OPRM1: variants seen among roughly 807,000 people sequenced by gnomAD.
The protein encoded by OPRM1 is opioid receptor mu 1, also known as mu-type opioid receptor.
In OPRM1, 27 loss-of-function variants were observed where a neutral mutation model predicts 31.8. The observed-to-expected ratio is 0.85, with a 90% CI of 0.63 to 1.17. The LOEUF is 1.17. Among genes scored for constraint, OPRM1 ranks in the 50% most tolerant of loss-of-function variants. The pLI, the probability that OPRM1 is intolerant of heterozygous loss-of-function variation, is 0.00. For missense variants in OPRM1, 536 were observed against 511.1 expected (o/e 1.05, Z -0.47); for synonymous variants, 196 against 189.9 (o/e 1.03, Z -0.26).
At chr6:154,040,869 G>A (rs1246629713) in intron 1 of OPRM1, among the ~76,000 whole-genome samples, 1 of 152,158 alleles carries the variant, frequency 6.6e-6, no homozygotes, top group Non-Finnish European at 1.5e-5. Context: ...TGGTGTTGAT[G>A]TGTATATTCA....
chr6:154,105,399 T>C (rs530073680), intron 3 of OPRM1, among the ~76,000 whole-genome samples: 16 of 152,228 alleles, frequency 1.1e-4, no homozygotes, highest in Non-Finnish European at 2.1e-4. Context: ...TTAACTCCTG[T>C]TTTGCTTGAC....
chr6:154,142,382 G>T (rs1798240966), intron 3 of OPRM1, among the ~76,000 whole-genome samples: 1 of 85,072 alleles, frequency 1.2e-5, no homozygotes. Flanking sequence ...CACATTAAGA[G>T]GCAAAATGGG....
intron 1 of OPRM1, among the ~76,000 whole-genome samples, chr6:154,088,021 G>C (rs939124963): frequency 6.6e-6 from 1 of 151,760 alleles, no homozygotes; most frequent in Non-Finnish European, 1.5e-5. Context: ...ATGAATGTTC[G>C]TAACAGTTCA....
chr6:154,182,684 G>A lies in OPRM1; in HGVS notation c.1165-64009G>A, dbSNP rs78350818. 5.7e-3 allele frequency among the ~76,000 whole-genome samples: 872 copies of A among 152,238 alleles called. 11 individuals are homozygous for A. The highest frequency in any genetic ancestry group is 0.02 in the African/African-American group (847 of 41,570). ...GGTATCAGTTGAATGAGAACAAAATGGTAGCAGTGGGTGGGAAGCTGGAAA... is the reference window on the plus strand; with the variant it reads ...GGTATCAGTTGAATGAGAACAAAATAGTAGCAGTGGGTGGGAAGCTGGAAA... On this transcript the variant is annotated intron_variant, in intron 3 of 3. Transcript: ENST00000337049.
At chr6:154,055,543 C>T (rs1783102740) in intron 1 of OPRM1, among the ~76,000 whole-genome samples, 1 of 152,118 alleles carries the variant, frequency 6.6e-6, no homozygotes, top group African/African-American at 2.4e-5. Context: ...ATATATTATC[C>T]ATTATAATAT....
At chr6:154,159,894 G>A in intron 3 of OPRM1, 2 of 1,613,722 alleles carry the variant, frequency 1.2e-6, no homozygotes. Flanking sequence ...TGTCATCAGT[G>A]TCATCAGGGG....
chr6:154,043,537 G>GTA lies in OPRM1; in HGVS notation c.290+3720_290+3721dup, dbSNP rs150929749. ...TATAAGGATATATATGTGTGTGTGT[G>GTA]TATATATATATATATATAAATTCAC... On this transcript the variant is annotated intron_variant, in intron 1 of 3. Transcript: ENST00000330432. Among the ~76,000 whole-genome samples, 217 of 135,974 alleles carry GTA rather than the reference G, an allele frequency of 1.6e-3. 1 individual carries two copies. Among genetic ancestry groups the GTA allele is most frequent in the South Asian group, 3.7e-3 (17 of 4,626 alleles). The allele number at this position is 135,974 out of a possible 152,430, so 89.2% of individuals were successfully genotyped here. A position where few individuals can be genotyped will look rare whatever the true frequency, so the allele number is the denominator to read the frequency against.
chr6:154,072,907 T>C (rs181475290), intron 1 of OPRM1, among the ~76,000 whole-genome samples: 4 of 152,322 alleles, frequency 2.6e-5, no homozygotes, highest in African/African-American at 9.6e-5. Context: ...TACCAGCCCC[T>C]TTAAAATTTA....
intron 3 of OPRM1, chr6:154,157,655 A>G (rs1798769917): frequency 6.6e-6 from 1 of 152,234 alleles, no homozygotes; most frequent in Non-Finnish European, 1.5e-5. Flanking sequence ...GAGCTCTTCA[A>G]TTTAAGAAAA....
intron 1 of OPRM1, among the ~76,000 whole-genome samples, chr6:154,075,396 T>G (rs187562682): frequency 6.6e-6 from 1 of 152,208 alleles, no homozygotes; most frequent in Admixed American, 6.5e-5. Flanking sequence ...ATTATGTTTT[T>G]GTACCCTTTT....
intron 3 of OPRM1, among the ~76,000 whole-genome samples, chr6:154,152,360 G>GAA (rs1445954466): frequency 1.4e-5 from 2 of 145,632 alleles, no homozygotes; most frequent in Non-Finnish European, 3.0e-5. Context: ...AAGAAAGAAA[G>GAA]AAAGAAAGAA....
upstream of OPRM1, chr6:154,039,117 CTCTA>C (rs1206409684): frequency 2.0e-6 from 3 of 1,529,142 alleles, no homozygotes; most frequent in Non-Finnish European, 2.6e-6. Flanking sequence ...CAAAGACTAA[CTCTA>C]TCTCTCTCCC....
rs542694668 is a variant in OPRM1, at chr6:154,147,834, C to T, written c.1164+56362C>T. 2.4e-3 allele frequency among the ~76,000 whole-genome samples: 369 copies of T among 152,310 alleles called. 3 individuals are homozygous for T. The highest frequency in any genetic ancestry group is 4.0e-3 in the Non-Finnish European group (275 of 68,020). ...AGTTGTAGGGATGGGAAACACAAATCCCAAGTTGATCACTTGGAGCAGTGA... is the reference window on the plus strand; with the variant it reads ...AGTTGTAGGGATGGGAAACACAAATTCCAAGTTGATCACTTGGAGCAGTGA... On this transcript the variant is annotated intron_variant, in intron 3 of 3. Transcript: ENST00000337049.
At chr6:154,185,214 T>C (rs1284047311) in intron 3 of OPRM1, among the ~76,000 whole-genome samples, 2 of 152,340 alleles carry the variant, frequency 1.3e-5, no homozygotes, top group South Asian at 2.1e-4. Context: ...AGGGGTCTCA[T>C]GCCAATGGGT....
At chr6:154,184,498 TA>T (rs1371253286) in intron 3 of OPRM1, among the ~76,000 whole-genome samples, 1 of 152,068 alleles carries the variant, frequency 6.6e-6, no homozygotes, top group Non-Finnish European at 1.5e-5. Context: ...ACATTTTTTT[TA>T]AAAGACCAAT....
At chr6:154,150,098 G>A (rs913794115) in intron 3 of OPRM1, among the ~76,000 whole-genome samples, 5 of 152,096 alleles carry the variant, frequency 3.3e-5, no homozygotes, top group African/African-American at 9.7e-5. Context: ...GGGCACTTGC[G>A]TCCCTTCCTC....
chr6:154,064,602 T>G (rs1238284915), intron 1 of OPRM1, among the ~76,000 whole-genome samples: 1 of 152,126 alleles, frequency 6.6e-6, no homozygotes, highest in Admixed American at 6.5e-5. Context: ...TTTTTTCTCT[T>G]AAGGGTTGTA....
rs999661981 is a variant in OPRM1, at chr6:154,168,487, C to T, written c.1164+77015C>T. ...AGTCATGTTGGATTAGAAACCTGCC[C>T]TATTAACTCATCTTAACTAGTTAAA... On this transcript the variant is annotated intron_variant, in intron 3 of 3. Transcript: ENST00000337049. This position sits in a 1 kb window ranked among gnomAD's most constrained non-coding sequence, Gnocchi z 4.1. Among the ~76,000 whole-genome samples the T allele has an allele frequency of 1.3e-5, 2 of 152,136 alleles. No homozygotes were observed. Among genetic ancestry groups the T allele is most frequent in the Non-Finnish European group, 2.9e-5 (2 of 68,048 alleles).
intron 3 of OPRM1, among the ~76,000 whole-genome samples, chr6:154,230,872 GA>G (rs564167061): frequency 6.7e-5 from 10 of 149,310 alleles, no homozygotes; most frequent in Admixed American, 2.7e-4. Context: ...TTGAATTCAA[GA>G]AAAAAAAACA....
Sources: gnomAD v4.1 joint callset for allele counts (sites outside exome capture counted in the v4.1 genomes callset) on GRCh38, gnomAD v4.1.1 for gene constraint, Gnocchi (gnomAD v3.1) non-coding constraint, MANE v1.5 for transcripts, NCBI Gene and HGNC (gene_info 2026-07-23, HGNC 2026-07-21) for gene names.